PRXL2C: variants seen among roughly 807,000 people sequenced by gnomAD.
PRXL2C encodes the protein peroxiredoxin like 2C.
PRXL2C carries 38 observed loss-of-function variants against 24.9 expected under a neutral mutation model. The ratio of observed to expected loss-of-function variants is 1.53; its 90% CI spans 1.18 to 2.00. PRXL2C has a LOEUF of 2.00. PRXL2C is among the 30% of genes most tolerant of loss of function. PRXL2C has a pLI of 0.00. For synonymous variants in PRXL2C, 98 were observed against 117.2 expected, an observed-to-expected ratio of 0.84 and a Z score of 1.06; for missense variants, 294 against 290.9, an observed-to-expected ratio of 1.01 and a Z score of -0.08.
chr9:96,641,983 C>CCTTTGGACTAATT, intron 5 of PRXL2C, 97 bp from the exon 6 acceptor site: 5 of 1,102,794 alleles, frequency 4.5e-6, no homozygotes, highest in Non-Finnish European at 6.1e-6. Context: ...TTAATTAGTC[C>CCTTTGGACTAATT]AAAGGGAAAA....
chr9:96,653,373 C>T (rs970250096), intron 2 of PRXL2C, among the ~76,000 whole-genome samples: 1 of 152,084 alleles, frequency 6.6e-6, no homozygotes, highest in Non-Finnish European at 1.5e-5. Flanking sequence ...AAAAACACCG[C>T]ATGATCTCAT....
chr9:96,651,850 T>G, intron 2 of PRXL2C, 138 bp from the exon 3 acceptor site: 2 of 609,038 alleles, frequency 3.3e-6, no homozygotes, highest in South Asian at 5.4e-5. Context: ...AGCAAAATTG[T>G]GTGAGTTAAT....
intron 5 of PRXL2C, among the ~76,000 whole-genome samples, chr9:96,642,703 G>A (rs111454247): frequency 2.0e-5 from 3 of 151,856 alleles, no homozygotes; most frequent in Non-Finnish European, 4.4e-5. Context: ...GCACCACCAC[G>A]CCCAGCTAAT....
chr9:96,652,062 A>C (rs1848275943), intron 2 of PRXL2C, among the ~76,000 whole-genome samples: 1 of 152,242 alleles, frequency 6.6e-6, no homozygotes, highest in Non-Finnish European at 1.5e-5. Context: ...AAATGGGACT[A>C]TATCAAACTA....
At chr9:96,648,472 A>G (rs751478635) in intron 4 of PRXL2C, among the ~76,000 whole-genome samples, 18 of 151,868 alleles carry the variant, frequency 1.2e-4, no homozygotes, top group Non-Finnish European at 2.4e-4. Flanking sequence ...ATTATATAAT[A>G]TATTTTTAGT....
rs1848262932 is a variant in PRXL2C, at chr9:96,651,393, AG to A, written c.417del (p.Ser140GlnfsTer7). 1.2e-6 allele frequency: 2 copies of A among 1,606,158 alleles called. No individual in the cohort carries two copies. The highest frequency in any genetic ancestry group is 1.7e-5 in the Admixed American group (1 of 59,714). The stretch of plus-strand genomic sequence containing the variant: ...TTTGAGACATGTTATGTCTTACCTG[AG>A]GAAGCAATTTCTTCACCTCTTTTCA... ...LGMKRGEEIA[S>X]SGQSPHIKSN... On this transcript the variant is annotated frameshift_variant, in exon 4 of 6. Transcript: ENST00000375234. LOFTEE classifies it high-confidence loss of function.
At chr9:96,654,829 G>C in intron 1 of PRXL2C, 56 bp from the exon 2 acceptor site, 1 of 1,503,098 alleles carries the variant, frequency 6.7e-7, no homozygotes, top group Non-Finnish European at 9.0e-7. Flanking sequence ...CTCGGGCCCC[G>C]AAGGATCCCT....
intron 1 of PRXL2C, 44 bp downstream of exon 1, chr9:96,655,046 G>A: frequency 1.4e-6 from 2 of 1,455,260 alleles, no homozygotes; most frequent in South Asian, 1.3e-5. Context: ...AGCCTGCCCG[G>A]GACCCTGGGC....
chr9:96,648,417 ATTC>A (rs1204411991), intron 4 of PRXL2C, among the ~76,000 whole-genome samples: 4 of 151,884 alleles, frequency 2.6e-5, no homozygotes, highest in Non-Finnish European at 4.4e-5. Flanking sequence ...TCATTTTCTT[ATTC>A]TTCATCTTTA....
chr9:96,654,884 C>T (rs985231084), intron 1 of PRXL2C, 111 bp from the exon 2 acceptor site: 72 of 1,256,710 alleles, frequency 5.7e-5, no homozygotes, highest in Non-Finnish European at 7.2e-5. Context: ...GCCCGCGGGG[C>T]CGGGACCGGC....
chr9:96,645,160 T>C lies in PRXL2C; in HGVS notation c.553+733A>G, dbSNP rs146358736. On this transcript the variant is annotated intron_variant, in intron 5 of 5. Coordinates refer to ENST00000375234, the MANE Select transcript of PRXL2C (RefSeq NM_153698.2). ...TCCTGACCTCGTGATCCGCCCGCCT[T>C]GGCCTCCCAAAGTGCTGGGATTACA... Among the ~76,000 whole-genome samples, 657 of 151,492 alleles carry C rather than the reference T, an allele frequency of 4.3e-3. 3 individuals carry two copies. The highest frequency in any genetic ancestry group is 5.3e-3 in the Non-Finnish European group (360 of 67,824).
intron 5 of PRXL2C, 27 bp downstream of exon 5, chr9:96,645,866 C>T (rs1467417466): frequency 6.3e-7 from 1 of 1,575,920 alleles, no homozygotes; most frequent in African/African-American, 1.4e-5. Context: ...AAGACGTCTA[C>T]TGCTGAACCT....
At chr9:96,646,839 G>A (rs940302779) in intron 4 of PRXL2C, among the ~76,000 whole-genome samples, 2 of 152,128 alleles carry the variant, frequency 1.3e-5, no homozygotes, top group Non-Finnish European at 1.5e-5. Flanking sequence ...TGCCCAGGAT[G>A]GAGTGCAATG....
intron 2 of PRXL2C, among the ~76,000 whole-genome samples, chr9:96,652,864 A>G (rs1431647229): frequency 6.6e-6 from 1 of 152,252 alleles, no homozygotes; most frequent in Non-Finnish European, 1.5e-5. Flanking sequence ...CCCATGTTTT[A>G]TTACAGCATG....
chr9:96,644,979 G>T (rs542652645), intron 5 of PRXL2C, among the ~76,000 whole-genome samples: 21 of 123,314 alleles, frequency 1.7e-4, no homozygotes, highest in Admixed American at 2.9e-4. Context: ...CGATCTCGGC[G>T]CACTGCAAGC....
intron 5 of PRXL2C, among the ~76,000 whole-genome samples, chr9:96,642,962 T>C (rs369913336): frequency 1.3e-5 from 2 of 152,228 alleles, no homozygotes; most frequent in African/African-American, 4.8e-5. Context: ...CTGCTGAATA[T>C]GTACAGACAT....
intron 2 of PRXL2C, among the ~76,000 whole-genome samples, chr9:96,653,570 A>C (rs1848305231): frequency 6.6e-6 from 1 of 152,230 alleles, no homozygotes; most frequent in East Asian, 1.9e-4. Flanking sequence ...TTGCTAAAAG[A>C]CTAGTTTTTA....
intron 5 of PRXL2C, among the ~76,000 whole-genome samples, chr9:96,643,201 T>C (rs991997041): frequency 3.9e-5 from 6 of 152,140 alleles, no homozygotes; most frequent in African/African-American, 1.4e-4. Flanking sequence ...GACTGAATGG[T>C]CCCAAGTTGG....
intron 2 of PRXL2C, among the ~76,000 whole-genome samples, chr9:96,652,969 T>A (rs772876740): frequency 2.0e-5 from 3 of 152,200 alleles, no homozygotes; most frequent in Non-Finnish European, 4.4e-5. Flanking sequence ...GGCTCACGCC[T>A]GTAATCCCAG....
Sources: gnomAD v4.1 joint callset for allele counts (sites outside exome capture counted in the v4.1 genomes callset) on GRCh38, gnomAD v4.1.1 for gene constraint, MANE v1.5 for transcripts, NCBI Gene and HGNC (gene_info 2026-07-23, HGNC 2026-07-21) for gene names.